Variants in KLHL14 observed in about 807,000 individuals in gnomAD.
KLHL14 encodes the protein kelch like family member 14.
A neutral mutation model predicts 64.3 loss-of-function variants in KLHL14; 22 were observed. That is an observed-to-expected ratio of 0.34 (90% CI 0.24 to 0.49). The LOEUF is 0.49. KLHL14 is among the 20% of genes least tolerant of loss of function. The pLI is 0.99. For missense variants in KLHL14, 661 were observed against 789.0 expected, an observed-to-expected ratio of 0.84 and a Z score of 1.94; for synonymous variants, 322 against 333.4, an observed-to-expected ratio of 0.97 and a Z score of 0.37.
At chr18:32,718,309 C>T (rs1322903838) in intron 3 of KLHL14, among the ~76,000 whole-genome samples, 1 of 152,176 alleles carries the variant, frequency 6.6e-6, no homozygotes, top group Non-Finnish European at 1.5e-5. Context: ...GAGCAATTTC[C>T]TGAATTTAAA....
chr18:32,734,234 G>A, intron 3 of KLHL14: 1 of 702,872 alleles, frequency 1.4e-6, no homozygotes, highest in Non-Finnish European at 2.6e-6. Flanking sequence ...GAAATGGGGT[G>A]TGGTCCTGTG....
chr18:32,711,030 G>C (rs150901345), intron 3 of KLHL14, among the ~76,000 whole-genome samples: 7 of 152,302 alleles, frequency 4.6e-5, no homozygotes, highest in African/African-American at 1.7e-4. Flanking sequence ...AGCCTGAACT[G>C]TGTGAACAGC....
In KLHL14 at chr18:32,683,580, T is replaced by A. The variant is rs1486887170; in HGVS notation, c.1239-2981A>T. Among the ~76,000 whole-genome samples the A allele has an allele frequency of 1.3e-5, 2 of 152,210 alleles. No homozygotes were observed. The highest frequency in any genetic ancestry group is 2.9e-5 in the Non-Finnish European group (2 of 68,038). The stretch of plus-strand genomic sequence containing the variant: ...TAAGTTCAAGATTATTAAAGATTTC[T>A]TATTGGGATTACACTGTTTCTGTTT... On this transcript the variant is annotated intron_variant, in intron 5 of 8. Transcript: ENST00000359358. This position sits in a 1 kb window ranked among gnomAD's most constrained non-coding sequence, Gnocchi z 4.2.
chr18:32,748,257 G>T (rs557687148), intron 2 of KLHL14, among the ~76,000 whole-genome samples: 8 of 152,064 alleles, frequency 5.3e-5, no homozygotes, highest in Non-Finnish European at 8.8e-5. Context: ...AGTTGCCCAG[G>T]CTTCTGGAGT....
chr18:32,734,191 A>T, intron 3 of KLHL14: 1 of 702,874 alleles, frequency 1.4e-6, no homozygotes, highest in Non-Finnish European at 2.6e-6. Context: ...CCTCCTTCTG[A>T]ACTCTGGTGA....
intron 3 of KLHL14, among the ~76,000 whole-genome samples, chr18:32,739,400 A>C (rs1227902076): frequency 6.6e-6 from 1 of 152,026 alleles, no homozygotes; most frequent in East Asian, 1.9e-4. Flanking sequence ...CAAAAAAAAA[A>C]AACCAAGCAG....
chr18:32,717,421 C>G (rs886170099), intron 3 of KLHL14, among the ~76,000 whole-genome samples: 2 of 152,162 alleles, frequency 1.3e-5, no homozygotes, highest in African/African-American at 4.8e-5. Flanking sequence ...TCAGAAAACA[C>G]CAAGGGCTAC....
At chr18:32,771,800 C>CG (rs961482384) in intron 1 of KLHL14, among the ~76,000 whole-genome samples, 3 of 14,010 alleles carry the variant, frequency 2.1e-4, no homozygotes, top group South Asian at 3.8e-3. Flanking sequence ...GTCGAACGAG[C>CG]GGGGGGGCGG....
chr18:32,693,413 C>CACACACACACACACACAG (rs1229737083), intron 4 of KLHL14, among the ~76,000 whole-genome samples: 9 of 97,036 alleles, frequency 9.3e-5, no homozygotes, highest in African/African-American at 4.4e-4. Context: ...CACACACACA[C>CACACACACACACACACAG]AGAGAGAGAG....
At chr18:32,749,686 G>A (rs1016024845) in intron 2 of KLHL14, among the ~76,000 whole-genome samples, 1 of 152,148 alleles carries the variant, frequency 6.6e-6, no homozygotes, top group African/African-American at 2.4e-5. Context: ...TCTTTCCCAT[G>A]TCCTCCCAAT....
rs1252613091 is a variant in KLHL14 at position 32,674,763 on chromosome 18, G to A, written c.1781C>T (p.Pro594Leu). The A allele has an allele frequency of 1.3e-6, 1 of 780,890 alleles. No individual in the cohort carries two copies. Among genetic ancestry groups the A allele is most frequent in the Non-Finnish European group, 2.4e-6 (1 of 418,034 alleles). 48.4% of individuals were successfully genotyped at this position (780,890 alleles called of 1,614,324 possible). A position where few individuals can be genotyped will look rare whatever the true frequency, so the allele number is the denominator to read the frequency against. Residue 594 changes from proline (P) to leucine (L), a missense_variant, in exon 9 of 9, where the codon CCA (proline) becomes CTA (leucine). Transcript: ENST00000359358. ...AYKSSTICYC[P>L]EKGTWTELEG... ...GAGTTCTGTCCAGGTTCCTTTCTCTGGACAATAGCATATTGTAGATGACTT... is the reference window on the plus strand; with the variant it reads ...GAGTTCTGTCCAGGTTCCTTTCTCTAGACAATAGCATATTGTAGATGACTT...
At chr18:32,704,779 T>C (rs2049982260) in intron 3 of KLHL14, among the ~76,000 whole-genome samples, 1 of 152,214 alleles carries the variant, frequency 6.6e-6, no homozygotes, top group South Asian at 2.1e-4. Context: ...ATATGTACTG[T>C]ACTGTGTACC....
At chr18:32,690,190 G>A (rs1379648561) in intron 4 of KLHL14, among the ~76,000 whole-genome samples, 1 of 152,118 alleles carries the variant, frequency 6.6e-6, no homozygotes, top group Non-Finnish European at 1.5e-5. Context: ...AGGACACAAG[G>A]GGATGACAGA....
Position 32,674,517 on chromosome 18 carries a change from T to C in KLHL14, c.*140A>G. On this transcript the variant is annotated 3_prime_UTR_variant, in exon 9 of 9. Transcript: ENST00000359358. ...TTCAAGAACAGGTCTCTTTCTTTTG[T>C]AGTTACTTATAAATCATCAGAAACC... 1.5e-6 allele frequency: 1 copy of C among 645,920 alleles called. No individual in the cohort carries two copies. Among genetic ancestry groups the C allele is most frequent in the East Asian group, 2.5e-5 (1 of 40,210 alleles). The allele number at this position is 645,920 out of a possible 1,614,324, so 40.0% of individuals were successfully genotyped here.
chr18:32,688,519 T>A (rs549554826), intron 4 of KLHL14, among the ~76,000 whole-genome samples: 36 of 152,350 alleles, frequency 2.4e-4, no homozygotes, highest in Non-Finnish European at 5.1e-4. Flanking sequence ...CCAGTTTCAG[T>A]AGCATAGTCA....
chr18:32,752,896 C>CT (rs1453978902), intron 2 of KLHL14, among the ~76,000 whole-genome samples: 2 of 148,094 alleles, frequency 1.4e-5, no homozygotes, highest in African/African-American at 5.0e-5. Context: ...CTTTTATAAG[C>CT]TATCAGAACT....
At chr18:32,714,162 C>T (rs953618819) in intron 3 of KLHL14, among the ~76,000 whole-genome samples, 2 of 152,024 alleles carry the variant, frequency 1.3e-5, no homozygotes, top group Non-Finnish European at 2.9e-5. Flanking sequence ...ATGCAATTTA[C>T]TAATTGCATT....
At chr18:32,760,370 A>C (rs1016614429) in intron 2 of KLHL14, among the ~76,000 whole-genome samples, 1 of 152,158 alleles carries the variant, frequency 6.6e-6, no homozygotes, top group African/African-American at 2.4e-5. Flanking sequence ...ACATATACAC[A>C]CACACACAAA....
chr18:32,695,246 C>T (rs1359563667), intron 4 of KLHL14, among the ~76,000 whole-genome samples: 1 of 152,060 alleles, frequency 6.6e-6, no homozygotes, highest in Non-Finnish European at 1.5e-5. Flanking sequence ...AGCCAAATCC[C>T]CAGACAGTTG....
Sources: gnomAD v4.1 joint callset for allele counts (sites outside exome capture counted in the v4.1 genomes callset) on GRCh38, gnomAD v4.1.1 for gene constraint, Gnocchi (gnomAD v3.1) non-coding constraint, MANE v1.5 for transcripts, NCBI Gene and HGNC (gene_info 2026-07-23, HGNC 2026-07-21) for gene names.